The following WDR11 variants were observed in gnomAD, a reference collection of about 807,000 sequenced individuals.
WDR11 encodes the protein WD repeat-containing protein 11.
In WDR11, 83 loss-of-function variants were observed where a neutral mutation model predicts 151.2. That is an observed-to-expected ratio of 0.55 (90% CI 0.46 to 0.66). The LOEUF is 0.66. Ranked by LOEUF, WDR11 falls within the 30% of genes least tolerant of loss-of-function variation. The pLI, the probability that WDR11 is intolerant of heterozygous loss-of-function variation, is 0.00. For missense variants in WDR11, 1,301 were observed against 1,480.9 expected, an observed-to-expected ratio of 0.88 and a Z score of 1.99; for synonymous variants, 484 against 533.1, an observed-to-expected ratio of 0.91 and a Z score of 1.27.
Position 120,869,271 on chromosome 10 carries a change from C to T in WDR11, c.1295-1899C>T, listed in dbSNP as rs546732416. ...GACTACAGGCGCCCGCCACCACGCC[C>T]GGCTAATTTTTTTGTGTTTTTTTAG... is the stretch of plus-strand genomic sequence containing the variant. On this transcript the variant is annotated intron_variant, in intron 9 of 28. Transcript: ENST00000263461. Among the ~76,000 whole-genome samples the T allele has an allele frequency of 6.4e-3, 966 of 151,868 alleles. 9 individuals carry two copies. The highest frequency in any genetic ancestry group is 0.022 in the African/African-American group (918 of 41,432).
intron 6 of WDR11, 117 bp downstream of exon 6, chr10:120,865,329 CAA>C (rs775788866): frequency 2.2e-4 from 236 of 1,067,942 alleles, no homozygotes; most frequent in South Asian, 2.8e-4. Context: ...TTCAATTTAT[CAA>C]AAGACTAGCA....
intron 7 of WDR11, among the ~76,000 whole-genome samples, chr10:120,866,200 G>A (rs1157905875): frequency 6.6e-6 from 1 of 152,066 alleles, no homozygotes; most frequent in African/African-American, 2.4e-5. Flanking sequence ...AAAGATCAAA[G>A]TGATTTTCAC....
rs1847238276 is a variant in WDR11 at position 120,886,865 on chromosome 10, CAAG to C, written c.2121+34_2121+36del. On this transcript the variant is annotated intron_variant, in intron 16 of 28. Coordinates refer to ENST00000263461, the MANE Select transcript of WDR11 (RefSeq NM_018117.12). ...AGTACAACCTTGATTAAATCTTCAT[CAAG>C]AAGATTTTGTTTTGTTGGTTCCATA... The C allele has an allele frequency of 1.5e-5, 24 of 1,612,594 alleles. 1 individual carries two copies. The East Asian group carries it at 5.4e-4, about 36-fold the overall frequency.
Position 120,906,796 on chromosome 10 carries a change from C to G in WDR11, c.3458C>G (p.Ala1153Gly), listed in dbSNP as rs1848072120. Reference protein sequence around the residue: ...TLHSMRYFDRAALFVEACLKY... With the variant: ...TLHSMRYFDRGALFVEACLKY... ...AGCAGCATGAGATACTTTGATAGAG[C>G]AGCCTTATTTGTGGAAGCTTGCCTC... Residue 1153 changes from alanine to glycine, a missense_variant, in exon 28 of 29, where the codon GCA (alanine) becomes GGA (glycine). By Grantham distance (60) the Ala-to-Gly change is moderately conservative. Transcript: ENST00000263461. The G allele has an allele frequency of 4.3e-6, 7 of 1,614,154 alleles. No homozygotes were observed. Among genetic ancestry groups the G allele is most frequent in the Non-Finnish European group, 5.9e-6 (7 of 1,180,018 alleles).
intron 2 of WDR11, among the ~76,000 whole-genome samples, chr10:120,857,235 A>G (rs1590054167): frequency 6.6e-6 from 1 of 152,226 alleles, no homozygotes. Flanking sequence ...TCATGAGATG[A>G]ACACTTGTTT....
chr10:120,870,396 A>G (rs970598084), intron 9 of WDR11, among the ~76,000 whole-genome samples: 65 of 152,230 alleles, frequency 4.3e-4, no homozygotes, highest in Non-Finnish European at 8.8e-4. Context: ...GTAGTGGTTT[A>G]TAGGAAGGAA....
chr10:120,851,467 CG>C lies in WDR11; in HGVS notation c.52del (p.Ala18ProfsTer17), dbSNP rs1206874125. 1.2e-6 allele frequency: 2 copies of C among 1,612,326 alleles called. No homozygotes were observed. Among genetic ancestry groups the C allele is most frequent in the East Asian group, 2.2e-5 (1 of 44,846 alleles). ...VNFKVSARTL[T>X]GALNAHNKAA... ...TTCAAGGTGTCGGCGCGCACCCTCACGGGGGCCCTCAACGCCCACAACAAGG... is the reference window on the plus strand; with the variant it reads ...TTCAAGGTGTCGGCGCGCACCCTCACGGGGCCCTCAACGCCCACAACAAGG... On this transcript the variant is annotated frameshift_variant, in exon 1 of 29. Transcript: ENST00000263461. LOFTEE classifies it high-confidence loss of function.
chr10:120,860,187 G>A lies in WDR11; in HGVS notation c.431G>A (p.Trp144Ter). ...CACCCGCCAAATTACATTGTGCTCT[G>A]GAATGCCGACACTGGCACCAAACTA... is the stretch of plus-strand genomic sequence containing the variant. Reference protein sequence around the residue: ...AIHPPNYIVLWNADTGTKLWK... With the variant: ...AIHPPNYIVL The change falls in exon 4 of 29, where the codon TGG becomes TAG. Residue 144 changes from tryptophan to a stop codon, truncating the protein, a stop_gained. Coordinates refer to ENST00000263461, the MANE Select transcript of WDR11 (RefSeq NM_018117.12). LOFTEE classifies it high-confidence loss of function. The A allele has an allele frequency of 6.2e-7, 1 of 1,614,112 alleles. No individual in the cohort carries two copies. The highest frequency in any genetic ancestry group is 8.5e-7 in the Non-Finnish European group (1 of 1,180,032).
chr10:120,862,033 T>C (rs193149175), intron 4 of WDR11, among the ~76,000 whole-genome samples: 23 of 152,320 alleles, frequency 1.5e-4, no homozygotes, highest in African/African-American at 4.8e-4. Flanking sequence ...AAATAAAATA[T>C]ATGAACTTAG....
At chr10:120,879,974 C>T (rs572674012) in intron 12 of WDR11, 2 of 152,228 alleles carry the variant, frequency 1.3e-5, no homozygotes, top group African/African-American at 2.4e-5. Flanking sequence ...ACATGAACAC[C>T]GTAGTTATTC....
Position 120,866,734 on chromosome 10 carries a change from C to T in WDR11, c.1160C>T (p.Ser387Phe). 6.2e-7 allele frequency: 1 copy of T among 1,614,132 alleles called. No individual in the cohort carries two copies. The highest frequency in any genetic ancestry group is 8.5e-7 in the Non-Finnish European group (1 of 1,180,010). The part of the protein sequence containing the change: ...DGRVMIWELK[S>F]AVCNRNSRNS... ...AGGGTCATGATATGGGAACTCAAGT[C>T]TGCAGTTTGTAATCGAAATTCACGG... The change falls in exon 8 of 29, where the codon TCT (serine) becomes TTT (phenylalanine). Residue 387 changes from serine (S) to phenylalanine (F), a missense_variant. Transcript: ENST00000263461.
chr10:120,880,670 C>G (rs889034352), intron 12 of WDR11, 156 bp from the exon 13 acceptor site: 2 of 720,394 alleles, frequency 2.8e-6, no homozygotes. Flanking sequence ...AAAAAAAACC[C>G]GAAAAAACAG....
At chr10:120,906,339 G>A in intron 27 of WDR11, 10 of 1,268,786 alleles carry the variant, frequency 7.9e-6, no homozygotes, top group South Asian at 1.6e-5. Flanking sequence ...GGCCCAGAGA[G>A]CAGGGGGAGA....
At chr10:120,866,947 G>A (rs1431530587) in intron 8 of WDR11, 119 bp from the exon 9 acceptor site, 28 of 1,060,406 alleles carry the variant, frequency 2.6e-5, no homozygotes, top group Non-Finnish European at 2.4e-5. Context: ...CTATGGGTAA[G>A]ATGAATGAAT....
At position 120,908,986 on chromosome 10, in the gene WDR11, G is replaced by T. The variant is rs761991022; in HGVS notation, c.*273G>T. ...TTGGGAGAGAGCTTTAAGAGTCCCT[G>T]GAAATACTTTTTAATTTTTTTAACT... is the stretch of plus-strand genomic sequence containing the variant. On this transcript the variant is annotated 3_prime_UTR_variant, in exon 29 of 29. Coordinates refer to ENST00000263461, the MANE Select transcript of WDR11 (RefSeq NM_018117.12). The T allele has an allele frequency of 9.7e-6, 4 of 410,934 alleles. No individual in the cohort carries two copies. Among genetic ancestry groups the T allele is most frequent in the East Asian group, 4.4e-5 (1 of 22,806 alleles). The allele number at this position is 410,934 out of a possible 1,614,324, so 25.5% of individuals were successfully genotyped here.
intron 16 of WDR11, 73 bp downstream of exon 16, chr10:120,886,909 G>A (rs1847239646): frequency 2.6e-6 from 4 of 1,550,458 alleles, no homozygotes; most frequent in African/African-American, 1.4e-5. Flanking sequence ...TGAAGGCATA[G>A]TTAAGTTGGA....
intron 14 of WDR11, among the ~76,000 whole-genome samples, chr10:120,884,611 A>G (rs1276366465): frequency 1.3e-5 from 2 of 152,170 alleles, no homozygotes; most frequent in Non-Finnish European, 2.9e-5. Context: ...AAAGGCAAAA[A>G]AAAAAAAGAA....
chr10:120,892,957 A>G (rs1847476556), intron 19 of WDR11, among the ~76,000 whole-genome samples: 2 of 151,552 alleles, frequency 1.3e-5, no homozygotes, highest in Admixed American at 6.6e-5. Context: ...TTTAAATAGT[A>G]TTGACTTGAT....
rs184704031 is a variant in WDR11 at position 120,869,356 on chromosome 10, G to A, written c.1295-1814G>A. 5.0e-3 allele frequency among the ~76,000 whole-genome samples: 757 copies of A among 151,730 alleles called. 2 individuals carry two copies. The highest frequency in any genetic ancestry group is 8.6e-3 in the Non-Finnish European group (584 of 67,878). On this transcript the variant is annotated intron_variant, in intron 9 of 28. Transcript: ENST00000263461. ...TCTCGATCTCCTGACCTCGTGATCCGCCCGCCTCGGCCTCCCAAAGTGCTG... is the reference window on the plus strand; with the variant it reads ...TCTCGATCTCCTGACCTCGTGATCCACCCGCCTCGGCCTCCCAAAGTGCTG...
Sources: gnomAD v4.1 joint callset for allele counts (sites outside exome capture counted in the v4.1 genomes callset) on GRCh38, gnomAD v4.1.1 for gene constraint, MANE v1.5 for transcripts, NCBI Gene and HGNC (gene_info 2026-07-23, HGNC 2026-07-21) for gene names.